The following C12orf60 variants were observed in gnomAD, a reference collection of about 807,000 sequenced individuals.
The protein encoded by C12orf60 is uncharacterized protein C12orf60.
For synonymous variants in C12orf60, 102 were observed against 94.6 expected (o/e 1.08, Z -0.45); for missense variants, 284 against 283.2 (o/e 1.00, Z -0.02).
At chr12:14,821,640 C>T (rs1332660519) in intron 1 of C12orf60, among the ~76,000 whole-genome samples, 1 of 152,136 alleles carries the variant, frequency 6.6e-6, no homozygotes, top group Non-Finnish European at 1.5e-5. Context: ...ATGTAATTGT[C>T]ATATACATTA....
intron 1 of C12orf60, among the ~76,000 whole-genome samples, chr12:14,816,657 A>G (rs1950223310): frequency 6.6e-6 from 1 of 151,194 alleles, no homozygotes; most frequent in South Asian, 2.1e-4. Context: ...ATTGTCAATG[A>G]CATTGTAATG....
chr12:14,818,671 T>G (rs1406204665), intron 1 of C12orf60, among the ~76,000 whole-genome samples: 1 of 152,146 alleles, frequency 6.6e-6, no homozygotes, highest in Admixed American at 6.5e-5. Flanking sequence ...TCCCAGCTAC[T>G]TGGGAGGCTG....
At chr12:14,808,631 C>T (rs950988139) in intron 1 of C12orf60, among the ~76,000 whole-genome samples, 24 of 152,044 alleles carry the variant, frequency 1.6e-4, no homozygotes, top group African/African-American at 5.6e-4. Context: ...TATAAGTTGG[C>T]AACGGAAAAG....
intron 1 of C12orf60, chr12:14,806,268 G>C (rs1283058512): frequency 9.9e-6 from 16 of 1,614,074 alleles, no homozygotes; most frequent in Non-Finnish European, 1.3e-5. Context: ...TGTGACATTT[G>C]AGCCCACAAG....
chr12:14,821,711 C>A (rs1950307820), intron 1 of C12orf60, among the ~76,000 whole-genome samples: 1 of 152,014 alleles, frequency 6.6e-6, no homozygotes, highest in Non-Finnish European at 1.5e-5. Context: ...TTGCTTCTTT[C>A]TGTGGTCTGC....
chr12:14,812,127 T>C (rs1950149023), intron 1 of C12orf60, among the ~76,000 whole-genome samples: 1 of 152,214 alleles, frequency 6.6e-6, no homozygotes, highest in African/African-American at 2.4e-5. Context: ...TTTATTCACT[T>C]AACACTTTCC....
At chr12:14,810,030 G>C (rs1470530439) in intron 1 of C12orf60, among the ~76,000 whole-genome samples, 2 of 152,158 alleles carry the variant, frequency 1.3e-5, no homozygotes, top group African/African-American at 4.8e-5. Flanking sequence ...GTGGGATCTA[G>C]ACATCAGTTC....
rs189321096 is a variant in C12orf60, at chr12:14,824,396, T to C, written c.*723T>C. On this transcript the variant is annotated 3_prime_UTR_variant, in exon 2 of 2. Transcript: ENST00000330828. The stretch of plus-strand genomic sequence containing the variant: ...ATGTGCTTTATTTAAAGAAATGAGA[T>C]AGGGCAGTCTCTTTGTCTACCATAA... 6.6e-6 allele frequency: 1 copy of C among 152,336 alleles called. No homozygotes were observed. The highest frequency in any genetic ancestry group is 6.5e-5 in the Admixed American group (1 of 15,298). The allele number at this position is 152,336 out of a possible 1,614,324, so 9.4% of individuals were successfully genotyped here.
chr12:14,822,639 A>C (rs1950324224), intron 1 of C12orf60, among the ~76,000 whole-genome samples: 1 of 152,172 alleles, frequency 6.6e-6, no homozygotes, highest in Admixed American at 6.5e-5. Flanking sequence ...GTGTAGTGTA[A>C]TTCAGTATAT....
chr12:14,808,267 G>A (rs187067627), intron 1 of C12orf60, among the ~76,000 whole-genome samples: 3 of 152,224 alleles, frequency 2.0e-5, no homozygotes, highest in Admixed American at 2.0e-4. Context: ...TAACAGTCAT[G>A]CTCTTCTGTG....
chr12:14,822,064 C>T (rs112082420), intron 1 of C12orf60, among the ~76,000 whole-genome samples: 19,314 of 126,018 alleles, frequency 0.15, 1,768 homozygotes, highest in Admixed American at 0.2. Flanking sequence ...TGTTAACGCT[C>T]GAAGTCAAAA....
In C12orf60 at chr12:14,823,551, T is replaced by C. The variant is rs201549281; in HGVS notation, c.616T>C (p.Ser206Pro). The part of the protein sequence containing the change: ...KTEDSKNPTK[S>P]AADLLEQIVK... Reference sequence around the variant, plus strand: ...TGAGGATTCCAAAAATCCCACAAAGTCAGCAGCAGATTTGTTGGAACAAAT... The same window carrying C: ...TGAGGATTCCAAAAATCCCACAAAGCCAGCAGCAGATTTGTTGGAACAAAT... Residue 206 changes from serine (S) to proline (P), a missense_variant, in exon 2 of 2, where the codon TCA (serine) becomes CCA (proline). Coordinates refer to ENST00000330828, the MANE Select transcript of C12orf60 (RefSeq NM_175874.4). The C allele has an allele frequency of 5.5e-5, 89 of 1,613,860 alleles. No homozygotes were observed. In the African/African-American group the frequency reaches 8.1e-4, roughly 15 times the overall value.
intron 1 of C12orf60, chr12:14,806,564 C>G (rs757535647): frequency 6.2e-7 from 1 of 1,614,170 alleles, no homozygotes. Flanking sequence ...GAACCTCAGT[C>G]AGCTTATTGG....
At chr12:14,806,285 A>G in intron 1 of C12orf60, 1 of 1,614,248 alleles carries the variant, frequency 6.2e-7, no homozygotes, top group East Asian at 2.2e-5. Context: ...CAAGTTTAAC[A>G]GCGACTGCAC....
chr12:14,809,449 C>T (rs774139641), intron 1 of C12orf60, among the ~76,000 whole-genome samples: 2 of 151,938 alleles, frequency 1.3e-5, no homozygotes, highest in African/African-American at 2.4e-5. Flanking sequence ...GGTACAGGTA[C>T]AAGAGTCAGT....
intron 1 of C12orf60, among the ~76,000 whole-genome samples, chr12:14,817,129 G>A (rs1950233673): frequency 6.6e-6 from 1 of 151,940 alleles, no homozygotes; most frequent in Admixed American, 6.6e-5. Context: ...CATATCAAAG[G>A]ACTAATCAGC....
chr12:14,814,034 G>C (rs1017155339), intron 1 of C12orf60: 11 of 152,276 alleles, frequency 7.2e-5, no homozygotes, highest in African/African-American at 2.6e-4. Context: ...TTTATGGTTA[G>C]GATTCAAGAC....
At chr12:14,813,426 G>A (rs1203660085) in intron 1 of C12orf60, among the ~76,000 whole-genome samples, 2 of 151,988 alleles carry the variant, frequency 1.3e-5, no homozygotes, top group Non-Finnish European at 2.9e-5. Flanking sequence ...AAAAATCTGT[G>A]GCCTTTAATT....
intron 1 of C12orf60, chr12:14,805,553 C>T (rs535855239): frequency 6.5e-6 from 1 of 154,304 alleles, no homozygotes; most frequent in Admixed American, 6.4e-5. Context: ...CTGTCTCATT[C>T]GAAGGCCTAG....
Sources: allele counts gnomAD v4.1 joint callset (sites outside exome capture counted in the v4.1 genomes callset), GRCh38; gene constraint gnomAD v4.1.1; transcripts MANE v1.5; gene names NCBI Gene and HGNC (gene_info 2026-07-23, HGNC 2026-07-21).